Variants in NDUFS4 observed in about 807,000 individuals in gnomAD.
NDUFS4 encodes the protein NADH dehydrogenase [ubiquinone] iron-sulfur protein 4, mitochondrial.
In NDUFS4, 28 loss-of-function variants were observed where a neutral mutation model predicts 24.3. The ratio of observed to expected loss-of-function variants is 1.15; its 90% confidence interval spans 0.85 to 1.58. The LOEUF is 1.58. Ranked by LOEUF, NDUFS4 falls within the 40% of genes most tolerant of loss-of-function variation. The probability of loss-of-function intolerance (pLI) is 0.00; values close to 1 mark genes in which losing one functional copy is unlikely to be tolerated. For synonymous variants in NDUFS4, 93 were observed against 69.7 expected (o/e 1.34, Z -1.67); for missense variants, 223 against 207.9 (o/e 1.07, Z -0.45).
intron 2 of NDUFS4, among the ~76,000 whole-genome samples, chr5:53,640,908 C>T (rs1751689377): frequency 6.6e-6 from 1 of 152,048 alleles, no homozygotes; most frequent in Admixed American, 6.6e-5. Context: ...ATATGACTGA[C>T]CAGCTAAGGT....
intron 1 of NDUFS4, among the ~76,000 whole-genome samples, chr5:53,586,286 G>A (rs900595774): frequency 6.9e-6 from 1 of 145,718 alleles, no homozygotes; most frequent in African/African-American, 2.5e-5. Context: ...CCGAGATCAC[G>A]CCATTGTACT....
intron 1 of NDUFS4, among the ~76,000 whole-genome samples, chr5:53,592,892 A>G (rs991211538): frequency 1.3e-5 from 2 of 152,204 alleles, no homozygotes; most frequent in African/African-American, 4.8e-5. Flanking sequence ...TCATGCCTGG[A>G]ATAAATCCTG....
At chr5:53,657,416 C>A (rs939509812) in intron 3 of NDUFS4, among the ~76,000 whole-genome samples, 2 of 152,158 alleles carry the variant, frequency 1.3e-5, no homozygotes, top group Non-Finnish European at 2.9e-5. Context: ...ACATTGGCAG[C>A]AGTAATTAGT....
intron 2 of NDUFS4, among the ~76,000 whole-genome samples, chr5:53,614,749 A>G (rs921025774): frequency 2.6e-5 from 4 of 151,854 alleles, no homozygotes; most frequent in Admixed American, 1.3e-4. Context: ...TTGCTTTACT[A>G]CCTGCTGTGT....
intron 2 of NDUFS4, among the ~76,000 whole-genome samples, chr5:53,619,218 C>T (rs1274346494): frequency 1.3e-5 from 2 of 150,684 alleles, no homozygotes; most frequent in Non-Finnish European, 3.0e-5. Flanking sequence ...CACCTGTAAT[C>T]CCAGCACTTT....
chr5:53,656,278 T>TTA (rs747144097), intron 3 of NDUFS4, among the ~76,000 whole-genome samples: 4 of 152,052 alleles, frequency 2.6e-5, no homozygotes, highest in Non-Finnish European at 5.9e-5. Flanking sequence ...TGTCCAGAGT[T>TTA]TATAGTTAGG....
intron 2 of NDUFS4, 52 bp downstream of exon 2, chr5:53,603,582 T>G (rs760828666): frequency 1.9e-5 from 26 of 1,402,992 alleles, no homozygotes; most frequent in Non-Finnish European, 2.2e-5. Flanking sequence ...GGGTTATTTT[T>G]GTACTATAGA....
In NDUFS4 at chr5:53,678,871, T is replaced by TATC. The variant is rs1184759817; in HGVS notation, c.425-4246_425-4244dup. On this transcript the variant is annotated intron_variant, in intron 4 of 4. Coordinates refer to ENST00000296684, the MANE Select transcript of NDUFS4 (RefSeq NM_002495.4). ...TCAAGTGTTGTTATTCTTAGAGTTT[T>TATC]ATCTTTTTAGCTCAGCTTCCCTGTT... Among the ~76,000 whole-genome samples the TATC allele has an allele frequency of 2.0e-5, 3 of 152,288 alleles. No individual in the cohort carries two copies. In the South Asian group the frequency reaches 6.2e-4, roughly 32 times the overall value.
chr5:53,599,709 T>C (rs574847824), intron 1 of NDUFS4, among the ~76,000 whole-genome samples: 1 of 152,296 alleles, frequency 6.6e-6, no homozygotes, highest in Admixed American at 6.5e-5. Context: ...CTATTTTGTA[T>C]TATTTTCTTC....
intron 2 of NDUFS4, among the ~76,000 whole-genome samples, chr5:53,617,123 G>A (rs77193157): frequency 6.6e-6 from 1 of 152,188 alleles, no homozygotes; most frequent in South Asian, 2.1e-4. Context: ...TAAATTGGCT[G>A]AGGTGCTGTC....
intron 1 of NDUFS4, among the ~76,000 whole-genome samples, chr5:53,561,235 A>T (rs1314675620): frequency 2.0e-5 from 3 of 152,160 alleles, no homozygotes; most frequent in Non-Finnish European, 2.9e-5. Flanking sequence ...TTGTTTATTC[A>T]TCAGTCTGCT....
intron 2 of NDUFS4, among the ~76,000 whole-genome samples, chr5:53,620,058 G>T (rs1471418446): frequency 6.6e-6 from 1 of 151,690 alleles, no homozygotes; most frequent in Admixed American, 6.6e-5. Flanking sequence ...AAGGTGGGAG[G>T]ATTGCCTGAG....
chr5:53,560,880 G>T, intron 1 of NDUFS4, 120 bp downstream of exon 1: 2 of 1,549,996 alleles, frequency 1.3e-6, no homozygotes, highest in Non-Finnish European at 1.7e-6. Context: ...CCCTTTTCTC[G>T]GGAGAAGTCG....
intron 2 of NDUFS4, among the ~76,000 whole-genome samples, chr5:53,636,933 C>T (rs1751573966): frequency 6.6e-6 from 1 of 152,184 alleles, no homozygotes; most frequent in South Asian, 2.1e-4. Flanking sequence ...GCTTCTTGTA[C>T]AGCCTGCCAA....
At chr5:53,657,329 A>G (rs1456240642) in intron 3 of NDUFS4, among the ~76,000 whole-genome samples, 2 of 152,158 alleles carry the variant, frequency 1.3e-5, no homozygotes, top group Non-Finnish European at 2.9e-5. Context: ...TTTGCTTACA[A>G]AGGGTAGGGG....
At chr5:53,599,402 C>T (rs1420893440) in intron 1 of NDUFS4, among the ~76,000 whole-genome samples, 2 of 152,066 alleles carry the variant, frequency 1.3e-5, no homozygotes, top group Non-Finnish European at 2.9e-5. Context: ...AATTTCTATA[C>T]GTTTCTGTTA....
At chr5:53,622,351 G>T (rs1248007505) in intron 2 of NDUFS4, among the ~76,000 whole-genome samples, 1 of 152,160 alleles carries the variant, frequency 6.6e-6, no homozygotes. Flanking sequence ...CAGTTTTGAA[G>T]GCTAGAATTC....
chr5:53,641,324 T>C (rs758522108), intron 2 of NDUFS4, among the ~76,000 whole-genome samples: 1 of 152,130 alleles, frequency 6.6e-6, no homozygotes, highest in Non-Finnish European at 1.5e-5. Context: ...TAAAAATAGT[T>C]TGTGAGATTG....
At chr5:53,617,937 A>C (rs1750898126) in intron 2 of NDUFS4, among the ~76,000 whole-genome samples, 1 of 152,148 alleles carries the variant, frequency 6.6e-6, no homozygotes. Context: ...AAATGAATAT[A>C]CCTTTTTATA....
Sources: allele counts gnomAD v4.1 joint callset (sites outside exome capture counted in the v4.1 genomes callset), GRCh38; gene constraint gnomAD v4.1.1; transcripts MANE v1.5; gene names NCBI Gene and HGNC (gene_info 2026-07-23, HGNC 2026-07-21).